Variants in ELMO1 observed in about 807,000 individuals in gnomAD.
ELMO1 encodes the protein engulfment and cell motility protein 1.
A neutral mutation model predicts 98.9 loss-of-function variants in ELMO1; 26 were observed. The observed-to-expected ratio is 0.26, with a 90% CI of 0.19 to 0.36. ELMO1 has a LOEUF of 0.36. Among genes scored for constraint, ELMO1 ranks in the 10% least tolerant of loss-of-function variants. The pLI is 1.00. For synonymous variants in ELMO1, 346 were observed against 346.0 expected, an observed-to-expected ratio of 1.00 and a Z score of 0.00; for missense variants, 627 against 935.2, an observed-to-expected ratio of 0.67 and a Z score of 4.30.
intron 16 of ELMO1, among the ~76,000 whole-genome samples, chr7:36,974,160 C>T (rs978276957): frequency 6.6e-6 from 1 of 152,262 alleles, no homozygotes; most frequent in Non-Finnish European, 1.5e-5. Context: ...GCTCCACCTG[C>T]AGCCCCGGTG....
At chr7:37,113,882 G>A (rs1203421344) in intron 14 of ELMO1, among the ~76,000 whole-genome samples, 1 of 152,156 alleles carries the variant, frequency 6.6e-6, no homozygotes, top group East Asian at 1.9e-4. Flanking sequence ...AAAAAGGGAG[G>A]CCTCAGAGAC....
intron 15 of ELMO1, among the ~76,000 whole-genome samples, chr7:37,068,502 A>G (rs555121547): frequency 6.6e-6 from 1 of 152,282 alleles, no homozygotes; most frequent in East Asian, 1.9e-4. Context: ...TAGTATAACT[A>G]TGAGGCCCAC....
At chr7:36,939,164 A>G (rs1786799717) in intron 16 of ELMO1, among the ~76,000 whole-genome samples, 1 of 150,920 alleles carries the variant, frequency 6.6e-6, no homozygotes, top group South Asian at 2.1e-4. Context: ...CACATTTAAG[A>G]AATGAGTTTT....
At chr7:36,988,517 A>C (rs564695564) in intron 16 of ELMO1, among the ~76,000 whole-genome samples, 4 of 152,348 alleles carry the variant, frequency 2.6e-5, no homozygotes, top group African/African-American at 9.6e-5. Context: ...CTAATAGAGG[A>C]GGCAAAAATA....
At chr7:37,043,486 T>A (rs1204326312) in intron 15 of ELMO1, among the ~76,000 whole-genome samples, 1 of 152,130 alleles carries the variant, frequency 6.6e-6, no homozygotes, top group Non-Finnish European at 1.5e-5. Context: ...TTTGGAGTGA[T>A]GCAAATGGTC....
At chr7:36,924,905 A>C (rs1463938457) in intron 16 of ELMO1, among the ~76,000 whole-genome samples, 1 of 152,182 alleles carries the variant, frequency 6.6e-6, no homozygotes. Flanking sequence ...CTGTGGAGGA[A>C]AAAAAGCTGA....
chr7:37,441,501 G>A (rs1224611227), intron 1 of ELMO1, among the ~76,000 whole-genome samples: 2 of 152,178 alleles, frequency 1.3e-5, no homozygotes, highest in Admixed American at 6.5e-5. Context: ...TATCCAACTA[G>A]TCAAGGTGGA....
intron 16 of ELMO1, among the ~76,000 whole-genome samples, chr7:36,940,828 A>G (rs558402577): frequency 6.2e-4 from 94 of 152,350 alleles, no homozygotes; most frequent in African/African-American, 2.0e-3. Flanking sequence ...CTTCATCAGC[A>G]GGGGAGACAA....
chr7:37,296,163 G>C (rs886615106), intron 4 of ELMO1, among the ~76,000 whole-genome samples: 2 of 152,176 alleles, frequency 1.3e-5, no homozygotes. Context: ...TGAAATCAAG[G>C]TGTCAGTCAG....
At chr7:37,245,721 G>T (rs1039120800) in intron 6 of ELMO1, among the ~76,000 whole-genome samples, 1 of 152,106 alleles carries the variant, frequency 6.6e-6, no homozygotes, top group East Asian at 1.9e-4. Context: ...GCTCCTTGGG[G>T]AAGTGGCTCG....
rs935621795 is a variant in ELMO1, at chr7:36,853,360, T to C, written c.*2191A>G. ...GGACAGATACATTTCTTAAACCCAG[T>C]GTCTCAGGACCTCAGAGATCCTGGT... is the stretch of plus-strand genomic sequence containing the variant. On this transcript the variant is annotated 3_prime_UTR_variant, in exon 22 of 22. Coordinates refer to ENST00000310758, the MANE Select transcript of ELMO1 (RefSeq NM_014800.11). 6.6e-6 allele frequency among the ~76,000 whole-genome samples: 1 copy of C among 152,200 alleles called. No individual in the cohort carries two copies. Among genetic ancestry groups the C allele is most frequent in the African/African-American group, 2.4e-5 (1 of 41,444 alleles).
At chr7:37,220,933 C>T (rs1015437184) in intron 10 of ELMO1, among the ~76,000 whole-genome samples, 4 of 152,188 alleles carry the variant, frequency 2.6e-5, no homozygotes, top group African/African-American at 4.8e-5. Context: ...AGCAGAAGGA[C>T]CCCGTTGCTC....
chr7:37,407,416 G>A (rs912337951), intron 1 of ELMO1, among the ~76,000 whole-genome samples: 3 of 151,358 alleles, frequency 2.0e-5, no homozygotes, highest in African/African-American at 7.3e-5. Flanking sequence ...GCTGAGGCAG[G>A]AGAATCACTT....
chr7:37,121,598 C>T (rs1584678434), intron 14 of ELMO1, among the ~76,000 whole-genome samples: 1 of 152,140 alleles, frequency 6.6e-6, no homozygotes, highest in African/African-American at 2.4e-5. Context: ...AAGAAATGAA[C>T]AAAGCCTCCA....
chr7:36,868,022 CT>C (rs1803169881), intron 20 of ELMO1, among the ~76,000 whole-genome samples: 1 of 152,146 alleles, frequency 6.6e-6, no homozygotes. Flanking sequence ...TTAGATCAAG[CT>C]GATTTATGGT....
At chr7:37,380,146 G>A (rs1403144659) in intron 1 of ELMO1, among the ~76,000 whole-genome samples, 1 of 152,134 alleles carries the variant, frequency 6.6e-6, no homozygotes. Flanking sequence ...TTCCAAGATA[G>A]AGTACCTTCA....
intron 8 of ELMO1, among the ~76,000 whole-genome samples, chr7:37,228,177 C>T (rs1223900629): frequency 3.9e-5 from 6 of 152,236 alleles, no homozygotes; most frequent in Non-Finnish European, 8.8e-5. Flanking sequence ...ATAACCAACG[C>T]ATCAGGGCTG....
intron 16 of ELMO1, among the ~76,000 whole-genome samples, chr7:36,940,474 G>C (rs1430980394): frequency 1.3e-5 from 2 of 152,220 alleles, no homozygotes; most frequent in Admixed American, 1.3e-4. Context: ...GGGTAATTTA[G>C]TGATTTAAAG....
rs1440785945 is a variant in ELMO1 at position 37,021,596 on chromosome 7, T to C, written c.1301-8161A>G. Among the ~76,000 whole-genome samples, 6 of 152,042 alleles carry C rather than the reference T, an allele frequency of 3.9e-5. No homozygotes were observed. In the South Asian group the frequency reaches 1.2e-3, roughly 32 times the overall value. ...GTCAGGTTGGCCTGCATGCAAATGT[T>C]GACGTCACTATTTAATAGCAATGTG... On this transcript the variant is annotated intron_variant, in intron 15 of 21. Coordinates refer to ENST00000310758, the MANE Select transcript of ELMO1 (RefSeq NM_014800.11).
Sources: allele counts gnomAD v4.1 joint callset (sites outside exome capture counted in the v4.1 genomes callset), GRCh38; gene constraint gnomAD v4.1.1; transcripts MANE v1.5; gene names NCBI Gene and HGNC (gene_info 2026-07-23, HGNC 2026-07-21).